Variants in ACTN1 observed in about 807,000 individuals in gnomAD.
The protein encoded by ACTN1 is alpha-actinin-1.
ACTN1 carries 30 observed loss-of-function variants against 119.6 expected under a neutral mutation model. The ratio of observed to expected loss-of-function variants is 0.25; its 90% CI spans 0.19 to 0.34. The LOEUF (loss-of-function observed/expected upper bound fraction) is 0.34. Ranked by LOEUF, ACTN1 falls within the 10% of genes least tolerant of loss-of-function variation. The pLI is 1.00. For missense variants in ACTN1, 764 were observed against 1,223.4 expected, an observed-to-expected ratio of 0.62 and a Z score of 5.60; for synonymous variants, 429 against 472.6, an observed-to-expected ratio of 0.91 and a Z score of 1.20.
At chr14:68,894,115 G>A (rs773849438) in intron 8 of ACTN1, among the ~76,000 whole-genome samples, 15 of 152,196 alleles carry the variant, frequency 9.9e-5, no homozygotes, top group South Asian at 8.3e-4. Context: ...ATTCCAAGTG[G>A]AGGCACTGGA....
intron 1 of ACTN1, among the ~76,000 whole-genome samples, chr14:68,950,462 G>GTGTGTGTGTGTGTGTGTGTGTGTATATA: frequency 2.0e-4 from 25 of 125,938 alleles, no homozygotes; most frequent in African/African-American, 6.6e-4. Flanking sequence ...ATGCGTGTGT[G>GTGTGTGTGTGTGTGTGTGTGTGTATATA]TATATATATA....
intron 3 of ACTN1, among the ~76,000 whole-genome samples, chr14:68,917,875 G>A (rs1189142906): frequency 6.6e-6 from 1 of 152,106 alleles, no homozygotes; most frequent in African/African-American, 2.4e-5. Context: ...AGACCAGCCT[G>A]GCCAACATAG....
chr14:68,899,821 A>C (rs1262385950), intron 8 of ACTN1, among the ~76,000 whole-genome samples: 1 of 152,176 alleles, frequency 6.6e-6, no homozygotes, highest in Non-Finnish European at 1.5e-5. Context: ...AGGGGAAAAG[A>C]CCATAGCAGA....
At chr14:68,967,530 A>G (rs2036745715) in intron 1 of ACTN1, among the ~76,000 whole-genome samples, 1 of 152,224 alleles carries the variant, frequency 6.6e-6, no homozygotes, top group Admixed American at 6.5e-5. Flanking sequence ...GTTACAGATC[A>G]GTGACATCCC....
intron 7 of ACTN1, among the ~76,000 whole-genome samples, chr14:68,902,895 G>A (rs2033432628): frequency 2.0e-5 from 3 of 152,164 alleles, no homozygotes; most frequent in South Asian, 4.1e-4. Context: ...AAACACAACC[G>A]AATGCCAGTA....
chr14:68,914,009 A>AC (rs1458991304), intron 3 of ACTN1, among the ~76,000 whole-genome samples: 1 of 151,902 alleles, frequency 6.6e-6, no homozygotes, highest in Non-Finnish European at 1.5e-5. Context: ...GATTGCTTGA[A>AC]CCCAGGTGTT....
intron 1 of ACTN1, among the ~76,000 whole-genome samples, chr14:68,929,166 C>T (rs2035091741): frequency 1.3e-5 from 2 of 152,192 alleles, no homozygotes; most frequent in South Asian, 4.2e-4. Context: ...GCCTTGTGCA[C>T]CTCCGCAGAG....
At position 68,879,166 on chromosome 14, in the gene ACTN1, G is replaced by A. The variant is rs1237572264; in HGVS notation, c.2281-97C>T. ...CGGGGGAGGGTGGCGTGTGTGGGGA[G>A]ACACAGGGACAGGCATGCGGAGGGA... On this transcript the variant is annotated intron_variant, in intron 18 of 21. Transcript: ENST00000394419. This position sits in a 1 kb window ranked among gnomAD's most constrained non-coding sequence, Gnocchi z 4.9. 5.3e-6 allele frequency: 3 copies of A among 561,336 alleles called. No homozygotes were observed. Among genetic ancestry groups the A allele is most frequent in the Non-Finnish European group, 8.0e-6 (3 of 374,226 alleles). 34.8% of individuals were successfully genotyped at this position (561,336 alleles called of 1,614,324 possible). A position where few individuals can be genotyped will look rare whatever the true frequency, so the allele number is the denominator to read the frequency against.
Position 68,929,434 on chromosome 14 carries a change from C to T in ACTN1, c.106-3762G>A, listed in dbSNP as rs1023544400. Among the ~76,000 whole-genome samples, 8 of 142,082 alleles carry T rather than the reference C, an allele frequency of 5.6e-5. No homozygotes were observed. In the South Asian group the frequency reaches 1.0e-3, roughly 18 times the overall value. The allele number at this position is 142,082 out of a possible 152,430, so 93.2% of individuals were successfully genotyped here. ...GGCAGGTTTGTGGCCCAGCCGCATT[C>T]AAACAAAGGGTACAGGGCCATGTTA... On this transcript the variant is annotated intron_variant, in intron 1 of 21. Transcript: ENST00000394419.
intron 11 of ACTN1, chr14:68,887,116 T>C (rs1190894264): frequency 1.1e-5 from 2 of 174,984 alleles, no homozygotes; most frequent in Non-Finnish European, 2.4e-5. Context: ...CCAGTGACTT[T>C]CCAGCTTAAA....
chr14:68,918,268 C>T (rs1387547635), intron 3 of ACTN1, among the ~76,000 whole-genome samples: 1 of 152,108 alleles, frequency 6.6e-6, no homozygotes, highest in Non-Finnish European at 1.5e-5. Context: ...TCTGCCATCT[C>T]AGTACTGAAG....
At chr14:68,911,268 C>T (rs2033989793) in intron 4 of ACTN1, among the ~76,000 whole-genome samples, 1 of 152,228 alleles carries the variant, frequency 6.6e-6, no homozygotes, top group African/African-American at 2.4e-5. Context: ...GACTGCAGAG[C>T]TGACAAGAAG....
chr14:68,888,590 C>T (rs951023148), intron 11 of ACTN1, among the ~76,000 whole-genome samples: 1 of 152,148 alleles, frequency 6.6e-6, no homozygotes, highest in African/African-American at 2.4e-5. Context: ...ATCCCCTACA[C>T]CAGGGGTCCC....
intron 1 of ACTN1, among the ~76,000 whole-genome samples, chr14:68,948,414 C>T (rs2036012589): frequency 6.6e-6 from 1 of 152,130 alleles, no homozygotes; most frequent in African/African-American, 2.4e-5. Flanking sequence ...CCCGTCTCTA[C>T]TAAAAATACA....
Position 68,940,677 on chromosome 14 carries a change from TAA to T in ACTN1, c.106-15007_106-15006del, listed in dbSNP as rs56676308. ...AACATAGCAAGACCCTGTCTCTACT[TAA>T]AAAAAAAAAAAAAAAATTAGCTTCT... On this transcript the variant is annotated intron_variant, in intron 1 of 21. Coordinates refer to ENST00000394419, the MANE Select transcript of ACTN1 (RefSeq NM_001130004.2). Among the ~76,000 whole-genome samples, 400 of 138,288 alleles carry T rather than the reference TAA, an allele frequency of 2.9e-3. 1 individual carries two copies. The highest frequency in any genetic ancestry group is 9.0e-3 in the African/African-American group (339 of 37,580). The allele number at this position is 138,288 out of a possible 152,430, so 90.7% of individuals were successfully genotyped here. A position where few individuals can be genotyped will look rare whatever the true frequency, so the allele number is the denominator to read the frequency against.
intron 1 of ACTN1, among the ~76,000 whole-genome samples, chr14:68,976,831 T>C (rs1036651844): frequency 2.6e-5 from 4 of 152,230 alleles, no homozygotes; most frequent in African/African-American, 9.6e-5. Context: ...TGCCAGTTCT[T>C]GGCACTGTTG....
In ACTN1 at chr14:68,922,219, A is replaced by G. The variant is rs75591934; in HGVS notation, c.221-1094T>C. On this transcript the variant is annotated intron_variant, in intron 2 of 21. Coordinates refer to ENST00000394419, the MANE Select transcript of ACTN1 (RefSeq NM_001130004.2). ...GCAGGTCGACAATCTGGCTGCGAGG[A>G]CTCCAGGGACCAGCCACGGGGATTC... is the stretch of plus-strand genomic sequence containing the variant. Among the ~76,000 whole-genome samples the G allele has an allele frequency of 8.5e-3, 1,292 of 152,032 alleles. 12 individuals carry two copies. Among genetic ancestry groups the G allele is most frequent in the African/African-American group, 0.029 (1,212 of 41,470 alleles).
chr14:68,909,222 T>C lies in ACTN1; in HGVS notation c.594+96A>G. The stretch of plus-strand genomic sequence containing the variant: ...TCTAAGAGGCCAACACTGCTCAGGC[T>C]GGACCATGGACTGTCACAACAAGGG... On this transcript the variant is annotated intron_variant, in intron 6 of 21. Transcript: ENST00000394419. This position sits in a 1 kb window ranked among gnomAD's most constrained non-coding sequence, Gnocchi z 4.1. 8.0e-7 allele frequency: 1 copy of C among 1,248,898 alleles called. No homozygotes were observed. The highest frequency in any genetic ancestry group is 1.2e-6 in the Non-Finnish European group (1 of 858,774). 77.4% of individuals were successfully genotyped at this position (1,248,898 alleles called of 1,614,324 possible).
chr14:68,902,685 T>A, intron 7 of ACTN1, 123 bp from the exon 8 acceptor site: 1 of 764,876 alleles, frequency 1.3e-6, no homozygotes, highest in Non-Finnish European at 2.2e-6. Context: ...AGCCCGAATC[T>A]AACCAGCCTC....
Sources: allele counts gnomAD v4.1 joint callset (sites outside exome capture counted in the v4.1 genomes callset), GRCh38; gene constraint gnomAD v4.1.1; non-coding constraint Gnocchi (gnomAD v3.1); transcripts MANE v1.5; gene names NCBI Gene and HGNC (gene_info 2026-07-23, HGNC 2026-07-21).